The following C16orf78 variants were observed in gnomAD, a reference collection of about 807,000 sequenced individuals.
The protein encoded by C16orf78 is uncharacterized protein C16orf78.
C16orf78 carries 19 observed loss-of-function variants against 27.3 expected under a neutral mutation model. The ratio of observed to expected loss-of-function variants is 0.70; its 90% confidence interval spans 0.49 to 1.02. The LOEUF is 1.02. C16orf78 is among the 50% of genes least tolerant of loss of function. C16orf78 has a pLI of 0.00. For missense variants in C16orf78, 339 were observed against 337.0 expected, an observed-to-expected ratio of 1.01 and a Z score of -0.05; for synonymous variants, 130 against 116.1, an observed-to-expected ratio of 1.12 and a Z score of -0.77.
chr16:49,376,105 C>T (rs185514879), intron 1 of C16orf78, among the ~76,000 whole-genome samples: 24 of 152,264 alleles, frequency 1.6e-4, no homozygotes, highest in African/African-American at 5.1e-4. Flanking sequence ...GGCAGGTCTC[C>T]GACAGCAGCA....
At chr16:49,393,889 T>G (rs1965442334) in intron 3 of C16orf78, among the ~76,000 whole-genome samples, 1 of 152,026 alleles carries the variant, frequency 6.6e-6, no homozygotes, top group Non-Finnish European at 1.5e-5. Flanking sequence ...ACACAAGATT[T>G]TATGTGAGAA....
intron 1 of C16orf78, 88 bp from the exon 2 acceptor site, chr16:49,377,643 C>G: frequency 1.3e-6 from 2 of 1,510,336 alleles, no homozygotes; most frequent in South Asian, 1.3e-5. Context: ...GGGACAGCCC[C>G]TCACCTGGGA....
chr16:49,384,422 A>G (rs1035971938), intron 3 of C16orf78, among the ~76,000 whole-genome samples: 1 of 152,026 alleles, frequency 6.6e-6, no homozygotes, highest in Non-Finnish European at 1.5e-5. Flanking sequence ...TGAAAAACTC[A>G]ATAGAGCACT....
chr16:49,379,405 C>A (rs1965261403), intron 3 of C16orf78, among the ~76,000 whole-genome samples: 1 of 151,294 alleles, frequency 6.6e-6, no homozygotes, highest in African/African-American at 2.4e-5. Flanking sequence ...TTCCAATTAG[C>A]CCAGGAGAAA....
chr16:49,382,966 T>A (rs1965305841), intron 3 of C16orf78, among the ~76,000 whole-genome samples: 1 of 152,230 alleles, frequency 6.6e-6, no homozygotes, highest in Non-Finnish European at 1.5e-5. Context: ...GCTGATTAAA[T>A]AATTATTTAC....
At chr16:49,378,368 C>T in intron 2 of C16orf78, 102 bp from the exon 3 acceptor site, 1 of 1,477,082 alleles carries the variant, frequency 6.8e-7, no homozygotes, top group Non-Finnish European at 9.0e-7. Flanking sequence ...CCTTTGCCTG[C>T]CTTTTGGCAA....
In C16orf78 at chr16:49,393,173, G is replaced by A. The variant is rs74726587; in HGVS notation, c.395-3250G>A. 5.8e-3 allele frequency among the ~76,000 whole-genome samples: 878 copies of A among 152,134 alleles called. 10 individuals carry two copies. The highest frequency in any genetic ancestry group is 0.02 in the African/African-American group (843 of 41,510). ...ACAGACTCATACAGCATAGTAACCC[G>A]ATACATAGCCTTCCAACCCACATCT... is the stretch of plus-strand genomic sequence containing the variant. On this transcript the variant is annotated intron_variant, in intron 3 of 4. Coordinates refer to ENST00000299191, the MANE Select transcript of C16orf78 (RefSeq NM_144602.4).
At chr16:49,375,946 C>T (rs966700614) in intron 1 of C16orf78, among the ~76,000 whole-genome samples, 1 of 152,176 alleles carries the variant, frequency 6.6e-6, no homozygotes, top group African/African-American at 2.4e-5. Context: ...ACAACTTTAC[C>T]TTAAATGTGG....
chr16:49,397,193 CT>C (rs1283868196), intron 4 of C16orf78, among the ~76,000 whole-genome samples: 5 of 152,192 alleles, frequency 3.3e-5, no homozygotes, highest in Admixed American at 3.3e-4. Flanking sequence ...GCTCTCTGTC[CT>C]GTTTATCAGG....
intron 3 of C16orf78, among the ~76,000 whole-genome samples, chr16:49,395,202 A>G (rs754441611): frequency 2.8e-4 from 43 of 152,318 alleles, no homozygotes; most frequent in Middle Eastern, 6.8e-3. Context: ...CAGCTGACAA[A>G]TATAGTTTTT....
At chr16:49,384,265 T>C (rs1011662154) in intron 3 of C16orf78, among the ~76,000 whole-genome samples, 2 of 150,550 alleles carry the variant, frequency 1.3e-5, no homozygotes, top group Non-Finnish European at 2.9e-5. Flanking sequence ...GGAGAATCAC[T>C]TGAACCCAGG....
intron 3 of C16orf78, among the ~76,000 whole-genome samples, chr16:49,389,076 C>T (rs755906355): frequency 6.6e-6 from 1 of 152,108 alleles, no homozygotes; most frequent in African/African-American, 2.4e-5. Context: ...CTCTTTTAGA[C>T]CAAATATTGT....
intron 3 of C16orf78, among the ~76,000 whole-genome samples, chr16:49,386,240 C>T (rs921266115): frequency 3.3e-5 from 5 of 152,046 alleles, no homozygotes; most frequent in Admixed American, 1.3e-4. Flanking sequence ...AAATAAACAG[C>T]AATACAATAA....
intron 3 of C16orf78, among the ~76,000 whole-genome samples, chr16:49,379,519 A>G (rs1965263088): frequency 6.7e-6 from 1 of 149,124 alleles, no homozygotes; most frequent in African/African-American, 2.6e-5. Context: ...CTTTTCATTT[A>G]ATATACCAAA....
rs574383027 is a variant in C16orf78 at position 49,381,212 on chromosome 16, T to A, written c.394+2619T>A. On this transcript the variant is annotated intron_variant, in intron 3 of 4. Transcript: ENST00000299191. ...GATGGGGATGGCATTGAATCTGTAA[T>A]TTACCTTGGGCAGTATGGCCATTTT... is the stretch of plus-strand genomic sequence containing the variant. 7.2e-4 allele frequency among the ~76,000 whole-genome samples: 109 copies of A among 152,280 alleles called. 2 individuals carry two copies. Among genetic ancestry groups the A allele is most frequent in the African/African-American group, 2.5e-3 (104 of 41,556 alleles).
At chr16:49,378,341 A>C in intron 2 of C16orf78, 129 bp from the exon 3 acceptor site, 2 of 1,346,158 alleles carry the variant, frequency 1.5e-6, no homozygotes, top group Non-Finnish European at 2.0e-6. Context: ...GGCCCGGGGA[A>C]GCTCTCTCCT....
At position 49,399,015 on chromosome 16, in the gene C16orf78, C is replaced by G. The variant is rs4785287; in HGVS notation, c.651-116C>G. On this transcript the variant is annotated intron_variant, in intron 4 of 4. Transcript: ENST00000299191. Reference sequence around the variant, plus strand: ...CAGCTCCATGGATGACTGGGAGAGACAGCCCCTTGCAGAGCACCCACACTT... The same window carrying G: ...CAGCTCCATGGATGACTGGGAGAGAGAGCCCCTTGCAGAGCACCCACACTT... 1.5e-3 allele frequency: 1,696 copies of G among 1,108,530 alleles called. 3 individuals carry two copies. The highest frequency in any genetic ancestry group is 2.1e-3 in the Non-Finnish European group (1,585 of 765,982). 68.7% of individuals were successfully genotyped at this position (1,108,530 alleles called of 1,614,324 possible).
In C16orf78 at chr16:49,399,353, C is replaced by T. The variant is rs1465616441; in HGVS notation, c.*75C>T. ...CACCTCCAGATGCCATCCTCTGGCA[C>T]ACTACAAGTGGTCCTTCCAACTTAG... is the stretch of plus-strand genomic sequence containing the variant. On this transcript the variant is annotated 3_prime_UTR_variant, in exon 5 of 5. Coordinates refer to ENST00000299191, the MANE Select transcript of C16orf78 (RefSeq NM_144602.4). 11 of 1,536,062 alleles carry T rather than the reference C, an allele frequency of 7.2e-6. No homozygotes were observed. The highest frequency in any genetic ancestry group is 4.5e-5 in the East Asian group (2 of 44,380).
intron 3 of C16orf78, among the ~76,000 whole-genome samples, chr16:49,394,135 T>A (rs1965444738): frequency 6.6e-6 from 1 of 152,124 alleles, no homozygotes; most frequent in Non-Finnish European, 1.5e-5. Flanking sequence ...TTTTAACATT[T>A]AAAGAGCAAA....
Sources: allele counts gnomAD v4.1 joint callset (sites outside exome capture counted in the v4.1 genomes callset), GRCh38; gene constraint gnomAD v4.1.1; transcripts MANE v1.5; gene names NCBI Gene and HGNC (gene_info 2026-07-23, HGNC 2026-07-21).